Variants in FCHSD2 observed in about 807,000 individuals in gnomAD.
FCHSD2 encodes the protein F-BAR and double SH3 domains protein 2.
FCHSD2 carries 38 observed loss-of-function variants against 108.1 expected under a neutral mutation model. The observed-to-expected ratio is 0.35, with a 90% CI of 0.27 to 0.46. The LOEUF is 0.46. Among genes scored for constraint, FCHSD2 ranks in the 20% least tolerant of loss-of-function variants. The pLI is 1.00. For missense variants in FCHSD2, 751 were observed against 897.8 expected, an observed-to-expected ratio of 0.84 and a Z score of 2.09; for synonymous variants, 279 against 314.7, an observed-to-expected ratio of 0.89 and a Z score of 1.20.
chr11:73,105,070 A>T (rs928064014), intron 2 of FCHSD2, among the ~76,000 whole-genome samples: 3 of 152,186 alleles, frequency 2.0e-5, no homozygotes, highest in Non-Finnish European at 4.4e-5. Context: ...ATCCTACCTG[A>T]CTTGACAATA....
chr11:72,904,793 A>G (rs1855595096), intron 9 of FCHSD2, among the ~76,000 whole-genome samples: 1 of 152,124 alleles, frequency 6.6e-6, no homozygotes, highest in South Asian at 2.1e-4. Context: ...TAGTTTCTTC[A>G]TCTATCTCTC....
chr11:73,058,243 T>C (rs371254431), intron 3 of FCHSD2, among the ~76,000 whole-genome samples: 17 of 152,228 alleles, frequency 1.1e-4, no homozygotes, highest in African/African-American at 3.6e-4. Context: ...GCCAGGCTGA[T>C]GCTACAGCAA....
chr11:72,921,694 G>A (rs1591400183), intron 9 of FCHSD2, 134 bp downstream of exon 9: 1 of 675,442 alleles, frequency 1.5e-6, no homozygotes, highest in East Asian at 2.8e-5. Flanking sequence ...TTTGTTAGAA[G>A]GAATGCTGTT....
rs1484499950 is a variant in FCHSD2, at chr11:73,141,914, G to A, written c.-37C>T. On this transcript the variant is annotated 5_prime_UTR_variant, in exon 1 of 20. The change creates a new upstream start codon in the 5' untranslated region. Transcript: ENST00000409418. ...GACATCAATCCTCCCCGACGGCAGC[G>A]TTAGCAAGGACCAGGAGGAGGAGGA... The A allele has an allele frequency of 1.3e-6, 2 of 1,539,940 alleles. No homozygotes were observed. The highest frequency in any genetic ancestry group is 1.2e-5 in the South Asian group (1 of 83,768).
intron 6 of FCHSD2, among the ~76,000 whole-genome samples, chr11:72,987,385 G>C (rs1052989378): frequency 6.6e-6 from 1 of 152,144 alleles, no homozygotes; most frequent in Non-Finnish European, 1.5e-5. Flanking sequence ...CTGCAAGTAA[G>C]TTATTAGTTA....
At chr11:72,887,029 T>C (rs2135244758) in intron 12 of FCHSD2, among the ~76,000 whole-genome samples, 1 of 152,112 alleles carries the variant, frequency 6.6e-6, no homozygotes, top group Middle Eastern at 3.4e-3. Flanking sequence ...CTCATGCCCC[T>C]GGATCCAGGG....
chr11:73,021,788 C>T (rs1329894837), intron 3 of FCHSD2, among the ~76,000 whole-genome samples: 1 of 152,010 alleles, frequency 6.6e-6, no homozygotes, highest in African/African-American at 2.4e-5. Context: ...AACCTAATAA[C>T]GGATATATAC....
At chr11:72,913,325 G>A (rs1855802030) in intron 9 of FCHSD2, among the ~76,000 whole-genome samples, 1 of 152,116 alleles carries the variant, frequency 6.6e-6, no homozygotes, top group Non-Finnish European at 1.5e-5. Flanking sequence ...ATGAAGTGCA[G>A]CAGTGCAATC....
At chr11:72,984,793 G>C (rs1857280871) in intron 7 of FCHSD2, among the ~76,000 whole-genome samples, 1 of 152,154 alleles carries the variant, frequency 6.6e-6, no homozygotes, top group Non-Finnish European at 1.5e-5. Context: ...TAAGTCTCTT[G>C]GACTAAGAGC....
intron 3 of FCHSD2, among the ~76,000 whole-genome samples, chr11:73,052,683 T>C (rs146973546): frequency 2.0e-4 from 30 of 152,274 alleles, no homozygotes; most frequent in South Asian, 6.2e-4. Flanking sequence ...AATTGGACAA[T>C]TGGATTTATT....
intron 3 of FCHSD2, among the ~76,000 whole-genome samples, chr11:73,063,251 C>T (rs1859208828): frequency 6.6e-6 from 1 of 152,164 alleles, no homozygotes; most frequent in African/African-American, 2.4e-5. Flanking sequence ...GGGATTTTGT[C>T]ACCACCAGGC....
At chr11:72,887,363 T>G (rs997116915) in intron 12 of FCHSD2, 107 bp downstream of exon 12, 58 of 704,190 alleles carry the variant, frequency 8.2e-5, no homozygotes, top group Non-Finnish European at 1.4e-4. Context: ...AGACGGTGAA[T>G]CACCTTCATC....
At chr11:73,084,568 C>T (rs886833166) in intron 2 of FCHSD2, among the ~76,000 whole-genome samples, 3 of 152,006 alleles carry the variant, frequency 2.0e-5, no homozygotes, top group Non-Finnish European at 2.9e-5. Context: ...TTTTTAAATA[C>T]TTCTTGTAGA....
At chr11:73,072,638 G>A (rs963664304) in intron 3 of FCHSD2, among the ~76,000 whole-genome samples, 23 of 152,112 alleles carry the variant, frequency 1.5e-4, no homozygotes, top group African/African-American at 4.8e-4. Context: ...CCTGGTGGAC[G>A]TCCTATTGTG....
At chr11:73,043,088 C>G (rs748453353) in intron 3 of FCHSD2, among the ~76,000 whole-genome samples, 1 of 152,162 alleles carries the variant, frequency 6.6e-6, no homozygotes, top group African/African-American at 2.4e-5. Flanking sequence ...TCTGCCACAA[C>G]GCTGAATAGG....
At chr11:72,914,009 CTATT>C (rs557391974) in intron 9 of FCHSD2, among the ~76,000 whole-genome samples, 5 of 151,694 alleles carry the variant, frequency 3.3e-5, no homozygotes, top group African/African-American at 9.7e-5. Flanking sequence ...CTGCCTTAAG[CTATT>C]TATTTATTTA....
chr11:73,074,372 T>C (rs1859500717), intron 3 of FCHSD2, among the ~76,000 whole-genome samples: 1 of 152,228 alleles, frequency 6.6e-6, no homozygotes, highest in South Asian at 2.1e-4. Flanking sequence ...TGCAAGCATA[T>C]GTGCAAGCAT....
chr11:73,082,434 A>T (rs1859717959), intron 3 of FCHSD2, among the ~76,000 whole-genome samples: 1 of 151,884 alleles, frequency 6.6e-6, no homozygotes, highest in South Asian at 2.1e-4. Context: ...GATACACAAT[A>T]AGCACTCAAC....
intron 8 of FCHSD2, among the ~76,000 whole-genome samples, chr11:72,958,673 T>C (rs549224325): frequency 2.6e-4 from 39 of 152,342 alleles, no homozygotes; most frequent in African/African-American, 8.4e-4. Context: ...TTTCTCCTTT[T>C]ATTAAAAATC....
Sources: gnomAD v4.1 joint callset for allele counts (sites outside exome capture counted in the v4.1 genomes callset) on GRCh38, gnomAD v4.1.1 for gene constraint, MANE v1.5 for transcripts, NCBI Gene and HGNC (gene_info 2026-07-23, HGNC 2026-07-21) for gene names.